TBC1D22A: variants seen among roughly 807,000 people sequenced by gnomAD.
The protein encoded by TBC1D22A is TBC1 domain family member 22A.
TBC1D22A carries 38 observed loss-of-function variants against 60.2 expected under a neutral mutation model. The observed-to-expected ratio is 0.63, with a 90% confidence interval of 0.49 to 0.83. TBC1D22A has a LOEUF of 0.83. TBC1D22A is among the 40% of genes least tolerant of loss of function. The pLI is 0.00. For synonymous variants in TBC1D22A, 302 were observed against 281.7 expected (o/e 1.07, Z -0.72); for missense variants, 628 against 701.0 (o/e 0.90, Z 1.18).
chr22:46,856,006 C>T (rs545111449), intron 4 of TBC1D22A, among the ~76,000 whole-genome samples: 11 of 152,282 alleles, frequency 7.2e-5, no homozygotes, highest in African/African-American at 9.6e-5. Flanking sequence ...CGCTGGCCTC[C>T]GGAGCCACAG....
chr22:46,915,765 T>C, intron 8 of TBC1D22A: 1 of 456,660 alleles, frequency 2.2e-6, no homozygotes, highest in South Asian at 1.5e-5. Flanking sequence ...CCAGAGCCTG[T>C]AAAGATCCAC....
intron 8 of TBC1D22A, among the ~76,000 whole-genome samples, chr22:46,963,635 G>T (rs748897738): frequency 6.6e-6 from 1 of 152,224 alleles, no homozygotes; most frequent in East Asian, 1.9e-4. Context: ...AATCAATGGT[G>T]CACAGGGCAA....
intron 12 of TBC1D22A, among the ~76,000 whole-genome samples, chr22:47,138,583 C>T (rs1479725431): frequency 1.3e-5 from 2 of 152,254 alleles, no homozygotes; most frequent in Non-Finnish European, 2.9e-5. Context: ...TTGGCAAAGG[C>T]CGTCCTTGGA....
In TBC1D22A at chr22:47,067,835, T is replaced by C. The variant is rs545466308; in HGVS notation, c.1329+30637T>C. 1.8e-3 allele frequency among the ~76,000 whole-genome samples: 267 copies of C among 152,372 alleles called. 1 individual carries two copies. The highest frequency in any genetic ancestry group is 6.2e-3 in the African/African-American group (258 of 41,592). ...TTTGCTCAGCACTTTCCCAGCTGAATGGCCCTCTTCAGGTGCCTGAAGGCC... is the reference window on the plus strand; with the variant it reads ...TTTGCTCAGCACTTTCCCAGCTGAACGGCCCTCTTCAGGTGCCTGAAGGCC... On this transcript the variant is annotated intron_variant, in intron 11 of 12. Transcript: ENST00000337137.
At chr22:46,911,932 A>AAC (rs1555944178) in intron 7 of TBC1D22A, 142 bp from the exon 8 acceptor site, 39,305 of 536,270 alleles carry the variant, frequency 0.073, 82 homozygotes, top group East Asian at 0.099. Flanking sequence ...AAAAAAAAAA[A>AAC]ATTGATATTT....
intron 4 of TBC1D22A, among the ~76,000 whole-genome samples, chr22:46,850,628 A>G (rs2087229685): frequency 6.6e-6 from 1 of 152,226 alleles, no homozygotes; most frequent in Non-Finnish European, 1.5e-5. Context: ...AGGTTCCTCA[A>G]ACAGTTCAAC....
chr22:46,820,931 C>T (rs1047001115), intron 4 of TBC1D22A, among the ~76,000 whole-genome samples: 2 of 152,116 alleles, frequency 1.3e-5, no homozygotes, highest in Non-Finnish European at 2.9e-5. Context: ...CTTATATATT[C>T]AGAATAGTTA....
At chr22:46,787,031 C>T (rs986695517) in intron 1 of TBC1D22A, among the ~76,000 whole-genome samples, 1 of 152,162 alleles carries the variant, frequency 6.6e-6, no homozygotes. Context: ...CATATTTCCT[C>T]CTGCTCCTTG....
At chr22:47,010,383 C>T (rs564615872) in intron 10 of TBC1D22A, among the ~76,000 whole-genome samples, 1 of 152,290 alleles carries the variant, frequency 6.6e-6, no homozygotes, top group African/African-American at 2.4e-5. Flanking sequence ...CAGAGCTGAG[C>T]GTTTGAAATG....
chr22:46,973,247 C>T (rs1350827924), intron 8 of TBC1D22A, among the ~76,000 whole-genome samples: 1 of 151,710 alleles, frequency 6.6e-6, no homozygotes, highest in Non-Finnish European at 1.5e-5. Context: ...GGTGGGGCTG[C>T]ATCTGGCACC....
chr22:46,906,150 C>T (rs2069449482), intron 7 of TBC1D22A, among the ~76,000 whole-genome samples: 2 of 140,496 alleles, frequency 1.4e-5, no homozygotes, highest in South Asian at 4.6e-4. Flanking sequence ...GGAGAAAGGG[C>T]AGCTGCAGGA....
intron 12 of TBC1D22A, among the ~76,000 whole-genome samples, chr22:47,158,812 G>T (rs554838565): frequency 1.3e-5 from 2 of 152,098 alleles, no homozygotes; most frequent in African/African-American, 4.8e-5. Context: ...ACAGGGTCCC[G>T]CAGCCACCAG....
chr22:47,122,725 T>C (rs1466034336), intron 12 of TBC1D22A, among the ~76,000 whole-genome samples: 2 of 152,244 alleles, frequency 1.3e-5, no homozygotes, highest in African/African-American at 2.4e-5. Context: ...AGCCCTGTGC[T>C]CTGCAGAGAC....
intron 12 of TBC1D22A, among the ~76,000 whole-genome samples, chr22:47,127,707 T>C (rs2066516785): frequency 6.6e-6 from 1 of 151,976 alleles, no homozygotes; most frequent in South Asian, 2.1e-4. Context: ...AGAATGTGAG[T>C]GGCAGGCACT....
Position 47,051,370 on chromosome 22 carries a change from T to C in TBC1D22A, c.1329+14172T>C, listed in dbSNP as rs114180524. Among the ~76,000 whole-genome samples, 1,429 of 152,348 alleles carry C rather than the reference T, an allele frequency of 9.4e-3. 22 individuals are homozygous for C. Among genetic ancestry groups the C allele is most frequent in the African/African-American group, 0.033 (1,355 of 41,574 alleles). ...TGTAAGATTTTTTTATACTCTCAAA[T>C]GCACACATTTGGAAAATACTGTCTT... is the stretch of plus-strand genomic sequence containing the variant. On this transcript the variant is annotated intron_variant, in intron 11 of 12. Transcript: ENST00000337137.
At chr22:47,092,577 G>C (rs754287940) in intron 11 of TBC1D22A, among the ~76,000 whole-genome samples, 8 of 152,200 alleles carry the variant, frequency 5.3e-5, no homozygotes, top group Admixed American at 1.3e-4. Flanking sequence ...GTGTATGTCT[G>C]TGTGGCTGAT....
chr22:47,117,500 G>A (rs1408018454), intron 12 of TBC1D22A, among the ~76,000 whole-genome samples: 5 of 27,974 alleles, frequency 1.8e-4, no homozygotes, highest in Admixed American at 3.5e-4. Context: ...ACCCCACACC[G>A]TGGCATCGAG....
intron 5 of TBC1D22A, among the ~76,000 whole-genome samples, chr22:46,883,704 G>A (rs1054592737): frequency 6.6e-6 from 1 of 152,168 alleles, no homozygotes; most frequent in Non-Finnish European, 1.5e-5. Flanking sequence ...GCTGGCCCAC[G>A]CTGCCCTGTG....
chr22:47,036,735 G>A (rs369258596), intron 10 of TBC1D22A, among the ~76,000 whole-genome samples: 4 of 152,198 alleles, frequency 2.6e-5, no homozygotes, highest in South Asian at 2.1e-4. Flanking sequence ...TCTGTGGAGC[G>A]GGGAAAGAGC....
Sources: allele counts gnomAD v4.1 joint callset (sites outside exome capture counted in the v4.1 genomes callset), GRCh38; gene constraint gnomAD v4.1.1; transcripts MANE v1.5; gene names NCBI Gene and HGNC (gene_info 2026-07-23, HGNC 2026-07-21).